MGA: variants seen among roughly 807,000 people sequenced by gnomAD.
The protein encoded by MGA is MAX gene-associated protein.
Under a neutral mutation model 261.1 loss-of-function variants are expected in MGA, and 40 were observed. That is an observed-to-expected ratio of 0.15 (90% CI 0.12 to 0.20). The LOEUF is 0.20. Ranked by LOEUF, MGA falls within the 10% of genes least tolerant of loss-of-function variation. The pLI is 1.00. For missense variants in MGA, 3,397 were observed against 3,630.5 expected (o/e 0.94, Z 1.65); for synonymous variants, 1,302 against 1,290.6 (o/e 1.01, Z -0.19).
chr15:41,725,555 C>T (rs1306661467), intron 9 of MGA, among the ~76,000 whole-genome samples: 2 of 55,912 alleles, frequency 3.6e-5, no homozygotes, highest in African/African-American at 9.0e-5. Flanking sequence ...TAAGTAGGGC[C>T]GGGCGCGGTG....
At chr15:41,698,526 C>G (rs1230336966) in intron 3 of MGA, among the ~76,000 whole-genome samples, 3 of 152,170 alleles carry the variant, frequency 2.0e-5, no homozygotes, top group African/African-American at 7.2e-5. Context: ...TTCTTTTCCT[C>G]CCTTCTTGTT....
At chr15:41,699,377 A>G (rs1595772337) in intron 5 of MGA, among the ~76,000 whole-genome samples, 1 of 152,256 alleles carries the variant, frequency 6.6e-6, no homozygotes, top group East Asian at 1.9e-4. Context: ...CATGTCTAAT[A>G]TCTTATGTAA....
At chr15:41,665,947 ACT>A (rs2057710635) in intron 1 of MGA, among the ~76,000 whole-genome samples, 1 of 151,564 alleles carries the variant, frequency 6.6e-6, no homozygotes, top group South Asian at 2.1e-4. Context: ...ACGGGGTCTC[ACT>A]CTGTCTCCTA....
chr15:41,685,770 G>C (rs1455488689), intron 2 of MGA, among the ~76,000 whole-genome samples: 1 of 151,940 alleles, frequency 6.6e-6, no homozygotes. Flanking sequence ...GAGGCGGGAG[G>C]ATCAGGAGGA....
intron 8 of MGA, among the ~76,000 whole-genome samples, chr15:41,711,830 G>C (rs566696262): frequency 1.3e-5 from 2 of 152,104 alleles, no homozygotes; most frequent in South Asian, 4.2e-4. Flanking sequence ...CGAGTAGCTG[G>C]GACTATAGGC....
chr15:41,719,565 AC>A (rs1290131788), intron 9 of MGA, among the ~76,000 whole-genome samples: 2 of 152,104 alleles, frequency 1.3e-5, no homozygotes, highest in African/African-American at 4.8e-5. Context: ...ACATGGCGAA[AC>A]CCTGTCTCTA....
At position 41,740,191 on chromosome 15, in the gene MGA, A is replaced by G; in HGVS notation, c.4573A>G (p.Lys1525Glu). The G allele has an allele frequency of 2.5e-6, 4 of 1,613,874 alleles. No homozygotes were observed. The highest frequency in any genetic ancestry group is 3.4e-6 in the Non-Finnish European group (4 of 1,179,770). ...GAATCTGAAGGCGTTTGTCCCAGCA[A>G]AACGGCCAATTGGTAAGTTGGGGTG... is the stretch of plus-strand genomic sequence containing the variant. The change falls in exon 14 of 24, where the codon AAA (lysine) becomes GAA (glutamate). Residue 1525 changes from lysine to glutamate, a missense_variant. Lys to Glu is a moderately conservative substitution (Grantham distance 56). This residue lies in a region of MGA where 1,410 missense variants were observed against 1,386.4 expected (regional missense o/e 1.02). Coordinates refer to ENST00000219905, the MANE Select transcript of MGA (RefSeq NM_001164273.2).
intron 1 of MGA, chr15:41,621,641 G>A (rs1479258932): frequency 6.6e-6 from 1 of 152,106 alleles, no homozygotes; most frequent in Non-Finnish European, 1.5e-5. Flanking sequence ...CCACGCGCCT[G>A]GTGGCGTGTT....
At chr15:41,727,935 G>T (rs2061332137) in intron 10 of MGA, among the ~76,000 whole-genome samples, 1 of 152,124 alleles carries the variant, frequency 6.6e-6, no homozygotes, top group South Asian at 2.1e-4. Flanking sequence ...TGTCCTCCTA[G>T]TCCATTAGAT....
Position 41,736,242 on chromosome 15 carries a change from G to C in MGA, c.3978G>C (p.Gln1326His). 1.2e-6 allele frequency: 2 copies of C among 1,613,854 alleles called. No homozygotes were observed. Among genetic ancestry groups the C allele is most frequent in the Admixed American group, 1.7e-5 (1 of 60,012 alleles). ...CCTCTTCTACTTCTTATATGCATCA[G>C]AGGTCACCTGGTGGTCCCACCAAAC... The change falls in exon 13 of 24, where the codon CAG (glutamine) becomes CAC (histidine). Residue 1326 changes from glutamine (Q) to histidine (H), a missense_variant. Physicochemically the swap from Gln to His is conservative, Grantham distance 24 (BLOSUM62 0). Coordinates refer to ENST00000219905, the MANE Select transcript of MGA (RefSeq NM_001164273.2).
Position 41,767,455 on chromosome 15 carries a change from G to A in MGA, c.*175G>A, listed in dbSNP as rs1446578532. The A allele has an allele frequency of 1.5e-6, 1 of 658,818 alleles. No individual in the cohort carries two copies. The allele number at this position is 658,818 out of a possible 1,614,324, so 40.8% of individuals were successfully genotyped here. A position where few individuals can be genotyped will look rare whatever the true frequency, so the allele number is the denominator to read the frequency against. On this transcript the variant is annotated 3_prime_UTR_variant, in exon 24 of 24. Coordinates refer to ENST00000219905, the MANE Select transcript of MGA (RefSeq NM_001164273.2). ...CTGACCCTGGTATAAGAAGTACTCT[G>A]AAATTCTGATCATGTTAAAATGTGT... is the stretch of plus-strand genomic sequence containing the variant.
At chr15:41,733,467 C>CT (rs1446314699) in intron 11 of MGA, among the ~76,000 whole-genome samples, 1 of 152,160 alleles carries the variant, frequency 6.6e-6, no homozygotes, top group Non-Finnish European at 1.5e-5. Context: ...TGTAGTTAGG[C>CT]TACACCTCTT....
At chr15:41,688,804 G>C (rs2151192439) in intron 2 of MGA, among the ~76,000 whole-genome samples, 1 of 152,200 alleles carries the variant, frequency 6.6e-6, no homozygotes, top group East Asian at 1.9e-4. Flanking sequence ...TTAAGCAACA[G>C]AAGTTTTATT....
chr15:41,671,976 G>T (rs1482319466), intron 2 of MGA, among the ~76,000 whole-genome samples: 1 of 152,164 alleles, frequency 6.6e-6, no homozygotes, highest in Non-Finnish European at 1.5e-5. Context: ...TTCAGCCACA[G>T]CTTAATCATC....
At chr15:41,703,191 G>A (rs1044745367) in intron 5 of MGA, among the ~76,000 whole-genome samples, 1 of 152,094 alleles carries the variant, frequency 6.6e-6, no homozygotes, top group Non-Finnish European at 1.5e-5. Flanking sequence ...CAGTTTCTCA[G>A]ATTTTGTGTT....
intron 1 of MGA, among the ~76,000 whole-genome samples, chr15:41,651,088 C>T (rs747224284): frequency 7.9e-5 from 12 of 152,140 alleles, no homozygotes; most frequent in East Asian, 1.9e-4. Context: ...AGGGGGACAC[C>T]GGGGCAGGAC....
At chr15:41,665,097 T>G (rs911155648) in intron 1 of MGA, among the ~76,000 whole-genome samples, 6 of 152,222 alleles carry the variant, frequency 3.9e-5, no homozygotes, top group Admixed American at 2.6e-4. Flanking sequence ...AAAATATCTA[T>G]TATCTGTAGA....
chr15:41,693,076 G>T (rs570876268), intron 2 of MGA, among the ~76,000 whole-genome samples: 1 of 152,248 alleles, frequency 6.6e-6, no homozygotes, highest in East Asian at 1.9e-4. Context: ...CTGAGCTCAG[G>T]CAGTCTGCCT....
At chr15:41,722,018 G>A (rs1392824819) in intron 9 of MGA, among the ~76,000 whole-genome samples, 2 of 151,336 alleles carry the variant, frequency 1.3e-5, no homozygotes, top group Non-Finnish European at 2.9e-5. Context: ...ACAACTGTGT[G>A]TTTCAGCATA....
Sources: allele counts gnomAD v4.1 joint callset (sites outside exome capture counted in the v4.1 genomes callset), GRCh38; gene constraint gnomAD v4.1.1; regional missense constraint gnomAD v4.1.1; transcripts MANE v1.5; gene names NCBI Gene and HGNC (gene_info 2026-07-23, HGNC 2026-07-21).